RIPOR2: variants seen among roughly 807,000 people sequenced by gnomAD.
The protein encoded by RIPOR2 is RHO family interacting cell polarization regulator 2.
RIPOR2 carries 39 observed loss-of-function variants against 114.5 expected under a neutral mutation model. The observed-to-expected ratio is 0.34, with a 90% CI of 0.26 to 0.44. The LOEUF (loss-of-function observed/expected upper bound fraction) is 0.44, where lower values mean the gene tolerates loss of function less well. RIPOR2 is among the 20% of genes least tolerant of loss of function. The probability of loss-of-function intolerance (pLI) is 1.00; values close to 1 mark genes in which losing one functional copy is unlikely to be tolerated. For missense variants in RIPOR2, 1,007 were observed against 1,255.1 expected (o/e 0.80, Z 2.99); for synonymous variants, 445 against 484.4 (o/e 0.92, Z 1.07).
At position 24,838,932 on chromosome 6, in the gene RIPOR2, T is replaced by G. The variant is rs12662984; in HGVS notation, c.2039+159A>C. On this transcript the variant is annotated intron_variant, in intron 14 of 21. Coordinates refer to ENST00000643898, the MANE Select transcript of RIPOR2 (RefSeq NM_001286445.3). ...AGGTGAATAATATTGACCCTTTTAT[T>G]GCACTTGACAATAAAAAGGAACTGT... 0.3 allele frequency among the ~76,000 whole-genome samples: 45,822 copies of G among 152,098 alleles called. 7,940 individuals carry two copies. The highest frequency in any genetic ancestry group is 0.66 in the East Asian group (3,419 of 5,174).
At chr6:25,025,884 C>A (rs1263467205) in intron 1 of RIPOR2, among the ~76,000 whole-genome samples, 2 of 152,154 alleles carry the variant, frequency 1.3e-5, no homozygotes, top group Non-Finnish European at 2.9e-5. Context: ...GAATTATGGG[C>A]TTGACTGGAA....
At chr6:24,827,269 C>T (rs1030855758) in intron 18 of RIPOR2, among the ~76,000 whole-genome samples, 2 of 152,168 alleles carry the variant, frequency 1.3e-5, no homozygotes, top group Admixed American at 6.5e-5. Flanking sequence ...TCCCATGCTC[C>T]GTGCTGGTAC....
chr6:24,934,085 T>C (rs1249974030), intron 1 of RIPOR2, among the ~76,000 whole-genome samples: 2 of 152,132 alleles, frequency 1.3e-5, no homozygotes, highest in East Asian at 1.9e-4. Context: ...AAAATTCCTA[T>C]AGGCAAAGAA....
At chr6:24,869,194 T>A in intron 5 of RIPOR2, 47 bp from the exon 6 acceptor site, 1 of 943,678 alleles carries the variant, frequency 1.1e-6, no homozygotes, top group South Asian at 1.5e-5. Flanking sequence ...TATAGTTCAA[T>A]TGACTTAGGC....
chr6:24,873,531 G>T (rs754767227), intron 3 of RIPOR2, 113 bp downstream of exon 3: 3 of 956,964 alleles, frequency 3.1e-6, no homozygotes, highest in Non-Finnish European at 4.8e-6. Flanking sequence ...TGTGGTACAA[G>T]AATAAAATAC....
chr6:24,963,835 A>C (rs1773408416), intron 1 of RIPOR2, among the ~76,000 whole-genome samples: 1 of 151,738 alleles, frequency 6.6e-6, no homozygotes, highest in African/African-American at 2.4e-5. Context: ...GAAAATTCTC[A>C]TACCTTATGT....
intron 12 of RIPOR2, among the ~76,000 whole-genome samples, chr6:24,843,780 T>C (rs888230004): frequency 6.6e-6 from 1 of 151,752 alleles, no homozygotes; most frequent in African/African-American, 2.4e-5. Flanking sequence ...AAGGACTGTT[T>C]CTATTGTTGA....
intron 19 of RIPOR2, among the ~76,000 whole-genome samples, chr6:24,823,357 A>G (rs1274116170): frequency 6.6e-6 from 1 of 152,196 alleles, no homozygotes; most frequent in Non-Finnish European, 1.5e-5. Context: ...GTCAAGTTTA[A>G]CTCCTTGGAG....
chr6:24,848,139 C>T lies in RIPOR2; in HGVS notation c.1050G>A (p.Glu350=). The change falls in exon 12 of 22, where the codon GAG becomes GAA. Residue 350 remains glutamate, a synonymous_variant. Transcript: ENST00000643898. The part of the protein sequence containing the change: ...LEITWYPFDV[E]DMTASSGAGN... ...CAGCGCCTGAGGATGCGGTCATGTC[C>T]TCCACGTCAAATGGACTGCAAAACA... The T allele has an allele frequency of 1.2e-6, 2 of 1,613,514 alleles. No homozygotes were observed. The highest frequency in any genetic ancestry group is 2.7e-5 in the African/African-American group (2 of 75,014).
At chr6:24,809,839 T>A (rs1209469496) in intron 20 of RIPOR2, 32 bp from the exon 21 acceptor site, 1 of 1,400,342 alleles carries the variant, frequency 7.1e-7, no homozygotes, top group East Asian at 2.5e-5. Context: ...AATCGTGTTT[T>A]GACATTTAGG....
chr6:24,852,087 C>A (rs1411266755), intron 9 of RIPOR2, among the ~76,000 whole-genome samples: 1 of 151,862 alleles, frequency 6.6e-6, no homozygotes, highest in South Asian at 2.1e-4. Context: ...TGGTGAAACC[C>A]CATCTCTACT....
At chr6:24,850,079 A>ATT (rs1581589433) in intron 10 of RIPOR2, 129 bp from the exon 11 acceptor site, 1 of 592,650 alleles carries the variant, frequency 1.7e-6, no homozygotes, top group East Asian at 3.4e-5. Flanking sequence ...TCAGAAGCGG[A>ATT]TTTTCATTTT....
At chr6:24,990,620 T>C (rs746882842) in intron 1 of RIPOR2, among the ~76,000 whole-genome samples, 1 of 152,232 alleles carries the variant, frequency 6.6e-6, no homozygotes, top group Non-Finnish European at 1.5e-5. Flanking sequence ...ATCTGTATAA[T>C]GTATTAGAAT....
chr6:24,853,397 T>C (rs1298538694), intron 8 of RIPOR2, among the ~76,000 whole-genome samples: 14 of 152,216 alleles, frequency 9.2e-5, no homozygotes, highest in Admixed American at 9.2e-4. Context: ...GTTTGTCCAG[T>C]CTTTTTCTTT....
At chr6:25,038,701 C>T (rs987310008) in intron 1 of RIPOR2, among the ~76,000 whole-genome samples, 1 of 152,156 alleles carries the variant, frequency 6.6e-6, no homozygotes, top group Non-Finnish European at 1.5e-5. Flanking sequence ...CAGAGAACAC[C>T]TTCATTGCAG....
chr6:24,841,675 T>C (rs747757401), intron 13 of RIPOR2, among the ~76,000 whole-genome samples: 2 of 150,970 alleles, frequency 1.3e-5, no homozygotes, highest in Non-Finnish European at 2.9e-5. Context: ...TGGAGTGCAG[T>C]GACGTGATCT....
intron 8 of RIPOR2, among the ~76,000 whole-genome samples, chr6:24,853,545 C>T (rs943582312): frequency 2.0e-5 from 3 of 152,156 alleles, no homozygotes; most frequent in East Asian, 1.9e-4. Flanking sequence ...AGAAATGAAA[C>T]AGACAAGGAC....
intron 13 of RIPOR2, chr6:24,839,625 G>A (rs1250427543): frequency 2.0e-6 from 3 of 1,538,168 alleles, no homozygotes; most frequent in Admixed American, 2.1e-5. Context: ...ATAACAAAAA[G>A]TTGAAAAAAA....
chr6:25,011,572 C>A (rs140945615), intron 1 of RIPOR2, among the ~76,000 whole-genome samples: 1 of 152,176 alleles, frequency 6.6e-6, no homozygotes, highest in African/African-American at 2.4e-5. Context: ...GGTGTTACAT[C>A]GGGAAGCCAA....
Sources: gnomAD v4.1 joint callset for allele counts (sites outside exome capture counted in the v4.1 genomes callset) on GRCh38, gnomAD v4.1.1 for gene constraint, MANE v1.5 for transcripts, NCBI Gene and HGNC (gene_info 2026-07-23, HGNC 2026-07-21) for gene names.